Variants in CNTN5 observed in about 807,000 individuals in gnomAD.
CNTN5 encodes contactin-5.
A neutral mutation model predicts 129.1 loss-of-function variants in CNTN5; 77 were observed. The observed-to-expected ratio is 0.60, with a 90% CI of 0.50 to 0.72. The LOEUF (loss-of-function observed/expected upper bound fraction) is 0.72. Among genes scored for constraint, CNTN5 ranks in the 30% least tolerant of loss-of-function variants. The pLI is 0.00. For missense variants in CNTN5, 1,478 were observed against 1,328.8 expected (o/e 1.11, Z -1.75); for synonymous variants, 509 against 465.6 (o/e 1.09, Z -1.20).
intron 2 of CNTN5, among the ~76,000 whole-genome samples, chr11:99,523,599 TAG>T (rs1012698677): frequency 1.2e-4 from 4 of 32,242 alleles, no homozygotes; most frequent in Non-Finnish European, 1.8e-4. Flanking sequence ...CAAAGAAAGA[TAG>T]AATAGAATAG....
At chr11:100,329,637 C>T (rs530642790) in intron 21 of CNTN5, among the ~76,000 whole-genome samples, 6 of 152,338 alleles carry the variant, frequency 3.9e-5, no homozygotes, top group South Asian at 2.1e-4. Context: ...CTGAAGATGA[C>T]TCACATCACA....
At chr11:99,706,165 G>A (rs1368852953) in intron 3 of CNTN5, among the ~76,000 whole-genome samples, 2 of 151,380 alleles carry the variant, frequency 1.3e-5, no homozygotes, top group African/African-American at 4.8e-5. Flanking sequence ...AGATACAGAA[G>A]GGGGAACAAA....
intron 2 of CNTN5, among the ~76,000 whole-genome samples, chr11:99,511,676 CT>C (rs1946840983): frequency 6.6e-6 from 1 of 151,868 alleles, no homozygotes; most frequent in Non-Finnish European, 1.5e-5. Context: ...GTGTGGGAAT[CT>C]AAGTCTCTTT....
intron 2 of CNTN5, among the ~76,000 whole-genome samples, chr11:99,540,878 A>G (rs1294002813): frequency 2.0e-5 from 3 of 152,228 alleles, no homozygotes; most frequent in Admixed American, 2.0e-4. Context: ...AAGGCAAATT[A>G]TAACGAATTT....
chr11:99,063,432 T>C (rs1249076405), intron 1 of CNTN5, among the ~76,000 whole-genome samples: 3 of 151,764 alleles, frequency 2.0e-5, no homozygotes, highest in African/African-American at 7.3e-5. Flanking sequence ...TTAAGAATCA[T>C]ATAAAAGAAG....
intron 1 of CNTN5, among the ~76,000 whole-genome samples, chr11:99,072,583 A>C (rs910734636): frequency 6.6e-6 from 1 of 152,084 alleles, no homozygotes; most frequent in African/African-American, 2.4e-5. Flanking sequence ...TAGTTTTACC[A>C]TATTTAGGAA....
chr11:100,115,731 G>T (rs1430872409), intron 13 of CNTN5, among the ~76,000 whole-genome samples: 2 of 151,902 alleles, frequency 1.3e-5, no homozygotes, highest in Non-Finnish European at 2.9e-5. Flanking sequence ...AAATGTTAGT[G>T]GAATTTGAGA....
At chr11:99,284,045 G>T (rs1005781690) in intron 1 of CNTN5, among the ~76,000 whole-genome samples, 10 of 152,036 alleles carry the variant, frequency 6.6e-5, no homozygotes, top group African/African-American at 1.2e-4. Flanking sequence ...GTAAATCAAT[G>T]TATCTATGTA....
intron 3 of CNTN5, among the ~76,000 whole-genome samples, chr11:99,770,999 G>C (rs2135334714): frequency 6.6e-6 from 1 of 152,146 alleles, no homozygotes; most frequent in African/African-American, 2.4e-5. Flanking sequence ...ATACATTTAT[G>C]GTCAAACTAA....
At chr11:99,444,356 A>G (rs1943971720) in intron 2 of CNTN5, among the ~76,000 whole-genome samples, 1 of 152,214 alleles carries the variant, frequency 6.6e-6, no homozygotes, top group Admixed American at 6.5e-5. Flanking sequence ...AACAAAATAC[A>G]CAGGCTTCTG....
At chr11:100,036,797 G>C (rs1471249234) in intron 9 of CNTN5, among the ~76,000 whole-genome samples, 4 of 146,646 alleles carry the variant, frequency 2.7e-5, no homozygotes, top group South Asian at 2.3e-4. Context: ...AAGAATGCTT[G>C]TGATTTTTGT....
intron 3 of CNTN5, among the ~76,000 whole-genome samples, chr11:99,622,618 T>C (rs1950987961): frequency 6.6e-6 from 1 of 152,090 alleles, no homozygotes; most frequent in Non-Finnish European, 1.5e-5. Flanking sequence ...GATTTAAGCA[T>C]AGATGCTGAG....
At chr11:99,259,059 T>A (rs1862510327) in intron 1 of CNTN5, among the ~76,000 whole-genome samples, 1 of 151,902 alleles carries the variant, frequency 6.6e-6, no homozygotes, top group South Asian at 2.1e-4. Context: ...CACTTTGTTT[T>A]TAAAGATAAG....
chr11:99,453,452 G>T (rs552661342), intron 2 of CNTN5, among the ~76,000 whole-genome samples: 14 of 152,276 alleles, frequency 9.2e-5, no homozygotes, highest in African/African-American at 3.4e-4. Context: ...ATTTGCTTTA[G>T]GGAATGGAAG....
chr11:99,630,130 ATAAT>A (rs1166175554), intron 3 of CNTN5, among the ~76,000 whole-genome samples: 3 of 151,742 alleles, frequency 2.0e-5, no homozygotes, highest in Non-Finnish European at 4.4e-5. Context: ...TTACGATAAA[ATAAT>A]TCATTAAAAA....
intron 24 of CNTN5, among the ~76,000 whole-genome samples, chr11:100,354,601 C>A (rs983277088): frequency 1.3e-5 from 2 of 151,536 alleles, no homozygotes; most frequent in African/African-American, 4.8e-5. Context: ...CTAGAGTAAG[C>A]ATAGTCATGT....
At chr11:100,187,153 AGC>A (rs1948322598) in intron 13 of CNTN5, among the ~76,000 whole-genome samples, 4 of 152,030 alleles carry the variant, frequency 2.6e-5, no homozygotes, top group Admixed American at 2.0e-4. Context: ...ATTTTTTTGC[AGC>A]TATTGTAAAT....
At chr11:100,132,569 A>G (rs1442435512) in intron 13 of CNTN5, among the ~76,000 whole-genome samples, 1 of 152,122 alleles carries the variant, frequency 6.6e-6, no homozygotes. Flanking sequence ...GATATCATGG[A>G]TTGGTCCATT....
chr11:99,884,186 A>T (rs1948839996), intron 6 of CNTN5, among the ~76,000 whole-genome samples: 1 of 152,306 alleles, frequency 6.6e-6, no homozygotes, highest in African/African-American at 2.4e-5. Context: ...AACATGAACT[A>T]TATATGAAAT....
Sources: gnomAD v4.1 joint callset for allele counts (sites outside exome capture counted in the v4.1 genomes callset) on GRCh38, gnomAD v4.1.1 for gene constraint, MANE v1.5 for transcripts, NCBI Gene and HGNC (gene_info 2026-07-23, HGNC 2026-07-21) for gene names.